WASF3: variants seen among roughly 807,000 people sequenced by gnomAD.
WASF3 encodes the protein actin-binding protein WASF3.
A neutral mutation model predicts 46.6 loss-of-function variants in WASF3; 11 were observed. The ratio of observed to expected loss-of-function variants is 0.24; its 90% CI spans 0.15 to 0.39. The LOEUF is 0.39. Ranked by LOEUF, WASF3 falls within the 10% of genes least tolerant of loss-of-function variation. The pLI, the probability that WASF3 is intolerant of heterozygous loss-of-function variation, is 1.00. For synonymous variants in WASF3, 242 were observed against 259.7 expected (o/e 0.93, Z 0.65); for missense variants, 576 against 669.8 (o/e 0.86, Z 1.55).
chr13:26,590,853 G>A (rs1880270046), intron 1 of WASF3, among the ~76,000 whole-genome samples: 1 of 152,152 alleles, frequency 6.6e-6, no homozygotes, highest in Non-Finnish European at 1.5e-5. Flanking sequence ...GGCAGTAAAG[G>A]AGACAAATTA....
chr13:26,586,278 C>G (rs1880124744), intron 1 of WASF3, among the ~76,000 whole-genome samples: 1 of 151,822 alleles, frequency 6.6e-6, no homozygotes, highest in Non-Finnish European at 1.5e-5. Context: ...TTATTTTGCA[C>G]ATTTTTGCTG....
At chr13:26,611,031 CTTTT>C (rs71080282) in intron 1 of WASF3, among the ~76,000 whole-genome samples, 1 of 110,574 alleles carries the variant, frequency 9.0e-6, no homozygotes, top group Admixed American at 1.1e-4. Context: ...TTACTTACTC[CTTTT>C]TTTTTTTTTT....
intron 1 of WASF3, among the ~76,000 whole-genome samples, chr13:26,584,230 CT>C (rs1202734960): frequency 6.6e-6 from 1 of 152,144 alleles, no homozygotes; most frequent in Non-Finnish European, 1.5e-5. Context: ...TTTCTTGGTG[CT>C]TTTGCTGGAT....
Position 26,594,241 on chromosome 13 carries a change from C to T in WASF3, c.-108-18720C>T, listed in dbSNP as rs143867440. On this transcript the variant is annotated intron_variant, in intron 1 of 9. Transcript: ENST00000335327. ...TTCTATTCTAGTCCTTCAGTTCCAG[C>T]GAGGGCTAATTTATGGCCTCTGCTC... Among the ~76,000 whole-genome samples the T allele has an allele frequency of 3.8e-4, 58 of 152,276 alleles. No individual in the cohort carries two copies. In the East Asian group the frequency reaches 7.7e-3, roughly 20 times the overall value.
intron 3 of WASF3, among the ~76,000 whole-genome samples, chr13:26,644,555 G>C (rs866583878): frequency 2.0e-5 from 3 of 152,286 alleles, no homozygotes; most frequent in Middle Eastern, 3.4e-3. Context: ...TCACCCGAGA[G>C]ATTGTGCTTC....
chr13:26,652,922 G>A (rs1353635266), intron 3 of WASF3, among the ~76,000 whole-genome samples: 2 of 152,110 alleles, frequency 1.3e-5, no homozygotes, highest in East Asian at 3.9e-4. Flanking sequence ...AGGGCCCTTG[G>A]TGTTGCTCAG....
chr13:26,543,454 G>A, the WASF3 span, among the ~76,000 whole-genome samples: 21 of 152,126 alleles, frequency 1.4e-4, no homozygotes, highest in Non-Finnish European at 2.5e-4. Flanking sequence ...TGAACCATTT[G>A]AAGAGAAATA....
At chr13:26,559,904 G>T (rs371485632) in intron 1 of WASF3, among the ~76,000 whole-genome samples, 2 of 127,688 alleles carry the variant, frequency 1.6e-5, no homozygotes, top group Non-Finnish European at 3.2e-5. Flanking sequence ...TGCAACCTCC[G>T]CCTCCTGGGT....
At chr13:26,663,273 G>A (rs1398857820) in intron 3 of WASF3, among the ~76,000 whole-genome samples, 13 of 151,796 alleles carry the variant, frequency 8.6e-5, no homozygotes, top group African/African-American at 2.2e-4. Context: ...CTTAACAGAC[G>A]TCAACATGGA....
intron 7 of WASF3, 68 bp downstream of exon 7, chr13:26,676,792 C>G (rs1883081953): frequency 6.9e-6 from 10 of 1,458,014 alleles, no homozygotes; most frequent in Non-Finnish European, 9.2e-6. Flanking sequence ...GTTTTATTAT[C>G]ATTTGAAATG....
At chr13:26,587,223 C>T (rs1335183277) in intron 1 of WASF3, among the ~76,000 whole-genome samples, 7 of 148,196 alleles carry the variant, frequency 4.7e-5, no homozygotes, top group African/African-American at 1.7e-4. Context: ...CAGAGGGGTC[C>T]TCATACTTGG....
chr13:26,560,061 C>T (rs1252150116), intron 1 of WASF3, among the ~76,000 whole-genome samples: 2 of 151,864 alleles, frequency 1.3e-5, no homozygotes, highest in Non-Finnish European at 2.9e-5. Context: ...CAGGTTGATC[C>T]GCCCACCTCG....
chr13:26,596,780 A>G (rs1461595255), intron 1 of WASF3, among the ~76,000 whole-genome samples: 1 of 151,906 alleles, frequency 6.6e-6, no homozygotes, highest in East Asian at 1.9e-4. Context: ...GCCATTTATT[A>G]TTTCTCAGCT....
chr13:26,556,379 A>G (rs4769504), upstream of WASF3, among the ~76,000 whole-genome samples: 46,980 of 152,192 alleles, frequency 0.31, 7,615 homozygotes, highest in East Asian at 0.55. Flanking sequence ...AAGGAAAGTC[A>G]TTTTAATTTG....
chr13:26,652,829 A>T (rs1882352012), intron 3 of WASF3, among the ~76,000 whole-genome samples: 1 of 152,202 alleles, frequency 6.6e-6, no homozygotes, highest in African/African-American at 2.4e-5. Context: ...TTTGTTAAAG[A>T]AGTGTATAGA....
intron 1 of WASF3, among the ~76,000 whole-genome samples, chr13:26,571,962 A>G (rs1193608629): frequency 6.6e-6 from 1 of 152,224 alleles, no homozygotes; most frequent in Non-Finnish European, 1.5e-5. Context: ...TGTTGCTGTT[A>G]TAAATGGGAC....
At chr13:26,630,752 T>A (rs535962847) in intron 2 of WASF3, among the ~76,000 whole-genome samples, 1 of 152,350 alleles carries the variant, frequency 6.6e-6, no homozygotes, top group South Asian at 2.1e-4. Flanking sequence ...TCCATAATGG[T>A]TGAACTAATT....
chr13:26,636,933 C>T (rs1275106936), intron 2 of WASF3, among the ~76,000 whole-genome samples: 2 of 152,218 alleles, frequency 1.3e-5, no homozygotes, highest in Non-Finnish European at 2.9e-5. Flanking sequence ...CAGCATGCCT[C>T]TGAGCACTGG....
chr13:26,654,841 A>G (rs190660774), intron 3 of WASF3, among the ~76,000 whole-genome samples: 75 of 152,252 alleles, frequency 4.9e-4, no homozygotes, highest in African/African-American at 1.6e-3. Context: ...TGTATTTCTT[A>G]CAATAAGCAT....
Sources: gnomAD v4.1 joint callset for allele counts (sites outside exome capture counted in the v4.1 genomes callset) on GRCh38, gnomAD v4.1.1 for gene constraint, MANE v1.5 for transcripts, NCBI Gene and HGNC (gene_info 2026-07-23, HGNC 2026-07-21) for gene names.